The following VAV3 variants were observed in gnomAD, a reference collection of about 807,000 sequenced individuals.
VAV3 encodes vav guanine nucleotide exchange factor 3, also known as guanine nucleotide exchange factor VAV3.
A neutral mutation model predicts 131.2 loss-of-function variants in VAV3; 94 were observed. The observed-to-expected ratio is 0.72, with a 90% CI of 0.61 to 0.85. VAV3 has a LOEUF of 0.85. Ranked by LOEUF, VAV3 falls within the 40% of genes least tolerant of loss-of-function variation. The probability of loss-of-function intolerance (pLI) is 0.00; values close to 1 mark genes in which losing one functional copy is unlikely to be tolerated. For synonymous variants in VAV3, 349 were observed against 342.0 expected, an observed-to-expected ratio of 1.02 and a Z score of -0.22; for missense variants, 939 against 1,002.7, an observed-to-expected ratio of 0.94 and a Z score of 0.86.
chr1:107,582,539 T>A (rs1650136733), intron 25 of VAV3, among the ~76,000 whole-genome samples: 1 of 150,616 alleles, frequency 6.6e-6, no homozygotes, highest in Admixed American at 6.6e-5. Context: ...ATTAGGTATA[T>A]CTCCCAATGC....
intron 19 of VAV3, among the ~76,000 whole-genome samples, chr1:107,678,549 A>T (rs1658380765): frequency 6.6e-6 from 1 of 152,164 alleles, no homozygotes; most frequent in South Asian, 2.1e-4. Flanking sequence ...TTCTATTTGG[A>T]AACAAAAATA....
chr1:107,948,484 C>G (rs1674375644), intron 1 of VAV3, among the ~76,000 whole-genome samples: 1 of 152,178 alleles, frequency 6.6e-6, no homozygotes, highest in Non-Finnish European at 1.5e-5. Flanking sequence ...ATTTTTAAAA[C>G]CAAGTTGCTG....
chr1:107,594,177 C>T (rs528864180), intron 25 of VAV3, among the ~76,000 whole-genome samples: 12 of 152,074 alleles, frequency 7.9e-5, no homozygotes, highest in African/African-American at 2.6e-4. Flanking sequence ...AGTTGCTTTA[C>T]GAGGGAGATC....
chr1:107,676,982 C>A (rs1658255496), intron 19 of VAV3, among the ~76,000 whole-genome samples: 1 of 152,022 alleles, frequency 6.6e-6, no homozygotes, highest in African/African-American at 2.4e-5. Flanking sequence ...GTTTCTAATA[C>A]CTATATAGAA....
intron 5 of VAV3, among the ~76,000 whole-genome samples, chr1:107,770,995 T>C (rs1665009968): frequency 6.6e-6 from 1 of 152,170 alleles, no homozygotes; most frequent in Non-Finnish European, 1.5e-5. Context: ...GTTCATAAAG[T>C]TGGAAACACC....
At chr1:107,673,665 A>C (rs181007952) in intron 19 of VAV3, 1 of 152,358 alleles carries the variant, frequency 6.6e-6, no homozygotes, top group Non-Finnish European at 1.5e-5. Flanking sequence ...ACACCAAGTC[A>C]GTATACTTGT....
At chr1:107,739,316 A>G (rs553189161) in intron 15 of VAV3, among the ~76,000 whole-genome samples, 1 of 152,336 alleles carries the variant, frequency 6.6e-6, no homozygotes, top group East Asian at 1.9e-4. Context: ...CAAACAGGCT[A>G]TTGAAAGACT....
chr1:107,952,466 C>CT (rs199697526), intron 1 of VAV3, among the ~76,000 whole-genome samples: 5,130 of 22,114 alleles, frequency 0.23, 584 homozygotes, highest in African/African-American at 0.29. Context: ...TATAACAAAA[C>CT]TTTATATATA....
chr1:107,913,898 G>A (rs766101382), intron 1 of VAV3, among the ~76,000 whole-genome samples: 34 of 152,200 alleles, frequency 2.2e-4, no homozygotes, highest in African/African-American at 7.0e-4. Flanking sequence ...AGGTTCAAGC[G>A]ATTCTTCCGC....
chr1:107,825,221 T>C (rs1205616313), intron 2 of VAV3, among the ~76,000 whole-genome samples: 1 of 152,186 alleles, frequency 6.6e-6, no homozygotes, highest in Non-Finnish European at 1.5e-5. Context: ...CTAGATTATA[T>C]GCAAACAGGG....
chr1:107,670,920 C>A (rs1326594258), intron 19 of VAV3, among the ~76,000 whole-genome samples: 1 of 152,090 alleles, frequency 6.6e-6, no homozygotes, highest in Non-Finnish European at 1.5e-5. Flanking sequence ...GTTGCCATTT[C>A]GTTTTCTCAA....
intron 2 of VAV3, among the ~76,000 whole-genome samples, chr1:107,864,148 T>C (rs1417243962): frequency 6.6e-6 from 1 of 152,206 alleles, no homozygotes; most frequent in Non-Finnish European, 1.5e-5. Context: ...AACATTACTT[T>C]ACAAAATGCA....
At chr1:107,588,585 C>T (rs1203751540) in intron 25 of VAV3, among the ~76,000 whole-genome samples, 1 of 152,138 alleles carries the variant, frequency 6.6e-6, no homozygotes, top group East Asian at 1.9e-4. Flanking sequence ...CTAACATGAG[C>T]ATTAAACACT....
At chr1:107,705,206 A>G in intron 15 of VAV3, 145 bp from the exon 16 acceptor site, 1 of 670,024 alleles carries the variant, frequency 1.5e-6, no homozygotes, top group Admixed American at 2.4e-5. Context: ...ATGTTTTCTA[A>G]GCCAAAAGTA....
intron 3 of VAV3, among the ~76,000 whole-genome samples, chr1:107,778,377 A>G (rs968128398): frequency 4.1e-5 from 6 of 147,522 alleles, no homozygotes; most frequent in African/African-American, 1.5e-4. Flanking sequence ...TTTCAGAATC[A>G]ATACATAAAA....
intron 25 of VAV3, among the ~76,000 whole-genome samples, chr1:107,585,870 A>G (rs1650446024): frequency 6.6e-6 from 1 of 152,192 alleles, no homozygotes; most frequent in South Asian, 2.1e-4. Context: ...ATCCTGCTCT[A>G]TGTATTGACA....
chr1:107,683,746 T>C (rs1191084381), intron 18 of VAV3, among the ~76,000 whole-genome samples: 2 of 152,210 alleles, frequency 1.3e-5, no homozygotes, highest in Non-Finnish European at 2.9e-5. Context: ...CTTGATAAGT[T>C]GTTGGTACCT....
Position 107,576,242 on chromosome 1 carries a change from C to G in VAV3, c.2351-2044G>C, listed in dbSNP as rs1649638359. 5.2e-6 allele frequency: 3 copies of G among 575,012 alleles called. No individual in the cohort carries two copies. In the South Asian group the frequency reaches 9.5e-5, roughly 18 times the overall value. The allele number at this position is 575,012 out of a possible 1,614,324, so 35.6% of individuals were successfully genotyped here. ...ATGTCATGATGAACGGTGACTATGA[C>G]AGAGAAGAGTAAAGTGCATGGTGGT... On this transcript the variant is annotated intron_variant, in intron 25 of 26. Coordinates refer to ENST00000370056, the MANE Select transcript of VAV3 (RefSeq NM_006113.5).
At chr1:107,900,279 T>C (rs1023322617) in intron 1 of VAV3, among the ~76,000 whole-genome samples, 1 of 152,200 alleles carries the variant, frequency 6.6e-6, no homozygotes, top group African/African-American at 2.4e-5. Flanking sequence ...AGTATATCCA[T>C]AGTATACTTT....
Sources: gnomAD v4.1 joint callset for allele counts (sites outside exome capture counted in the v4.1 genomes callset) on GRCh38, gnomAD v4.1.1 for gene constraint, MANE v1.5 for transcripts, NCBI Gene and HGNC (gene_info 2026-07-23, HGNC 2026-07-21) for gene names.